The following GRAMD1C variants were observed in gnomAD, a reference collection of about 807,000 sequenced individuals.
GRAMD1C encodes GRAM domain containing 1C, also known as protein Aster-C.
In GRAMD1C, 89 loss-of-function variants were observed where a neutral mutation model predicts 97.8. The ratio of observed to expected loss-of-function variants is 0.91; its 90% CI spans 0.77 to 1.09. The LOEUF (loss-of-function observed/expected upper bound fraction) is 1.09. Ranked by LOEUF, GRAMD1C falls within the 50% of genes least tolerant of loss-of-function variation. The pLI is 0.00. For synonymous variants in GRAMD1C, 256 were observed against 267.0 expected, an observed-to-expected ratio of 0.96 and a Z score of 0.40; for missense variants, 740 against 766.4, an observed-to-expected ratio of 0.97 and a Z score of 0.41.
intron 6 of GRAMD1C, chr3:113,886,160 C>A: frequency 2.8e-6 from 4 of 1,450,290 alleles, no homozygotes; most frequent in Non-Finnish European, 2.7e-6. Context: ...CCTCCCACCC[C>A]TCTCTGCCCT....
chr3:113,862,801 T>A (rs1934434133), intron 2 of GRAMD1C, among the ~76,000 whole-genome samples: 1 of 152,216 alleles, frequency 6.6e-6, no homozygotes, highest in Non-Finnish European at 1.5e-5. Flanking sequence ...CTAATAAATG[T>A]CCATGAAATC....
At chr3:113,933,164 C>T (rs777169171) in intron 11 of GRAMD1C, among the ~76,000 whole-genome samples, 5 of 152,312 alleles carry the variant, frequency 3.3e-5, no homozygotes, top group Middle Eastern at 3.4e-3. Context: ...GGATTACAGG[C>T]GTGAGCCACT....
Position 113,913,256 on chromosome 3 carries a change from GGC to G in GRAMD1C, c.953-2438_953-2437del, listed in dbSNP as rs555624620. ...CAAAGTAGTTTCAGCTGGATGTGGTGGCGCGCGCTTGTAATCCCAGCACTTTG... is the reference window on the plus strand; with the variant it reads ...CAAAGTAGTTTCAGCTGGATGTGGTGGCGCGCTTGTAATCCCAGCACTTTG... On this transcript the variant is annotated intron_variant, in intron 9 of 17. Transcript: ENST00000358160. 7.6e-4 allele frequency: 330 copies of G among 432,552 alleles called. 2 individuals carry two copies. Among genetic ancestry groups the G allele is most frequent in the South Asian group, 6.1e-3 (324 of 53,338 alleles). 26.8% of individuals were successfully genotyped at this position (432,552 alleles called of 1,614,324 possible). A position where few individuals can be genotyped will look rare whatever the true frequency, so the allele number is the denominator to read the frequency against.
chr3:113,930,692 AT>A, intron 10 of GRAMD1C, 21 bp from the exon 11 acceptor site: 1 of 1,205,936 alleles, frequency 8.3e-7, no homozygotes, highest in Non-Finnish European at 1.2e-6. Context: ...GAACTAACTC[AT>A]TTTGTGTTTG....
intron 9 of GRAMD1C, among the ~76,000 whole-genome samples, chr3:113,914,325 TATC>T (rs1936721444): frequency 6.6e-6 from 1 of 152,334 alleles, no homozygotes; most frequent in African/African-American, 2.4e-5. Context: ...AGCAAATCAA[TATC>T]TATCTGATAT....
chr3:113,850,233 A>C (rs1933835897), intron 2 of GRAMD1C: 3 of 589,588 alleles, frequency 5.1e-6, no homozygotes, highest in South Asian at 4.3e-5. Context: ...AATACTCTCC[A>C]GTTTTACTGA....
intron 6 of GRAMD1C, chr3:113,897,792 A>C: frequency 1.0e-6 from 1 of 980,746 alleles, no homozygotes; most frequent in South Asian, 4.7e-5. Flanking sequence ...GCTGAAAGGG[A>C]GAGACTCTCC....
chr3:113,829,224 C>T (rs1214464715), intron 1 of GRAMD1C, among the ~76,000 whole-genome samples: 1 of 152,056 alleles, frequency 6.6e-6, no homozygotes, highest in East Asian at 1.9e-4. Context: ...GGAGTTAAGA[C>T]CAGTCTGGGC....
At chr3:113,914,777 G>T (rs1485212479) in intron 9 of GRAMD1C, among the ~76,000 whole-genome samples, 2 of 151,908 alleles carry the variant, frequency 1.3e-5, no homozygotes, top group Non-Finnish European at 2.9e-5. Context: ...GCTGGAGTGG[G>T]TTCAAATTCC....
At chr3:113,847,957 TA>T (rs1933689360) in intron 2 of GRAMD1C, among the ~76,000 whole-genome samples, 1 of 152,346 alleles carries the variant, frequency 6.6e-6, no homozygotes, top group South Asian at 2.1e-4. Context: ...CCAAGGAACC[TA>T]GAGTTGTGCT....
intron 14 of GRAMD1C, among the ~76,000 whole-genome samples, chr3:113,937,700 G>A (rs909970522): frequency 1.3e-5 from 2 of 152,130 alleles, no homozygotes; most frequent in African/African-American, 4.8e-5. Flanking sequence ...TTTCAAATGA[G>A]TATTAAATTT....
chr3:113,917,245 TAG>T (rs2107342918), intron 10 of GRAMD1C, among the ~76,000 whole-genome samples: 1 of 152,342 alleles, frequency 6.6e-6, no homozygotes, highest in African/African-American at 2.4e-5. Flanking sequence ...TACATAAAAT[TAG>T]AATGCAGCAG....
chr3:113,843,449 T>G (rs1933460303), intron 1 of GRAMD1C, among the ~76,000 whole-genome samples: 1 of 150,634 alleles, frequency 6.6e-6, no homozygotes, highest in South Asian at 2.1e-4. Context: ...TTTAACTGCC[T>G]GATGAGTGAT....
intron 10 of GRAMD1C, among the ~76,000 whole-genome samples, chr3:113,922,119 G>T (rs1241276780): frequency 6.6e-6 from 1 of 151,762 alleles, no homozygotes; most frequent in Non-Finnish European, 1.5e-5. Flanking sequence ...TGTCACCCAG[G>T]CTGGAGTACA....
intron 10 of GRAMD1C, among the ~76,000 whole-genome samples, chr3:113,922,551 G>C (rs1937097252): frequency 6.6e-6 from 1 of 152,136 alleles, no homozygotes; most frequent in Non-Finnish European, 1.5e-5. Context: ...CCCATTGCTT[G>C]TTTTTGTCAA....
At chr3:113,838,689 T>C, upstream of GRAMD1C, 1 of 370,320 alleles carries the variant, frequency 2.7e-6, no homozygotes, top group Non-Finnish European at 4.8e-6. Flanking sequence ...AGTCTCATTG[T>C]GACCCCTAGA....
chr3:113,898,667 C>CTA (rs1936029501), intron 6 of GRAMD1C, among the ~76,000 whole-genome samples: 1 of 152,012 alleles, frequency 6.6e-6, no homozygotes, highest in Non-Finnish European at 1.5e-5. Context: ...ATTAAAACAT[C>CTA]ACTACTTGTT....
chr3:113,901,851 A>C (rs904736243), intron 7 of GRAMD1C, among the ~76,000 whole-genome samples: 10 of 152,238 alleles, frequency 6.6e-5, no homozygotes, highest in Non-Finnish European at 2.9e-5. Flanking sequence ...TGAGTGAAAA[A>C]AGCCAGTCAC....
chr3:113,871,307 C>T (rs1377869745), intron 3 of GRAMD1C, among the ~76,000 whole-genome samples: 1 of 151,940 alleles, frequency 6.6e-6, no homozygotes, highest in Admixed American at 6.6e-5. Context: ...TTACTATAAG[C>T]TTAATATATA....
Sources: allele counts gnomAD v4.1 joint callset (sites outside exome capture counted in the v4.1 genomes callset), GRCh38; gene constraint gnomAD v4.1.1; transcripts MANE v1.5; gene names NCBI Gene and HGNC (gene_info 2026-07-23, HGNC 2026-07-21).